CROCC2: variants seen among roughly 807,000 people sequenced by gnomAD.
CROCC2 encodes the protein ciliary rootlet coiled-coil protein 2.
In CROCC2, 163 loss-of-function variants were observed where a neutral mutation model predicts 177.6. That is an observed-to-expected ratio of 0.92 (90% CI 0.81 to 1.05). The LOEUF is 1.05. Among genes scored for constraint, CROCC2 ranks in the 50% least tolerant of loss-of-function variants. The pLI is 0.00. For synonymous variants in CROCC2, 904 were observed against 787.3 expected (o/e 1.15, Z -2.48); for missense variants, 1,929 against 1,797.8 (o/e 1.07, Z -1.32).
chr2:240,918,748 G>C lies in CROCC2; in HGVS notation c.101G>C (p.Ser34Thr), dbSNP rs2106452853. The C allele has an allele frequency of 1.7e-6, 1 of 578,276 alleles. No individual in the cohort carries two copies. The highest frequency in any genetic ancestry group is 2.2e-5 in the South Asian group (1 of 46,502). 35.8% of individuals were successfully genotyped at this position (578,276 alleles called of 1,614,324 possible). A position where few individuals can be genotyped will look rare whatever the true frequency, so the allele number is the denominator to read the frequency against. Reference sequence around the variant, plus strand: ...CAGAGACTGGAGGACACCATCCTGAGTCCCACAGCCAGCAGGGAAGACCGG... The same window carrying C: ...CAGAGACTGGAGGACACCATCCTGACTCCCACAGCCAGCAGGGAAGACCGG... ...VIQRLEDTIL[S>T]PTASREDRAL... Residue 34 changes from serine (S) to threonine (T), a missense_variant, in exon 2 of 32, where the codon AGT becomes ACT. This residue lies in a region of CROCC2 where 1,397 missense variants were observed against 1,239.9 expected (regional missense o/e 1.13). Coordinates refer to ENST00000690015, the MANE Select transcript of CROCC2 (RefSeq NM_001351305.2). This position sits in a 1 kb window ranked among gnomAD's most constrained non-coding sequence, Gnocchi z 6.3.
chr2:240,983,528 C>G, intron 28 of CROCC2: 2 of 1,259,848 alleles, frequency 1.6e-6, no homozygotes, highest in Non-Finnish European at 2.0e-6. Flanking sequence ...GCGCACCGAG[C>G]GGGCGCGTCT....
Position 240,933,397 on chromosome 2 carries a change from G to T in CROCC2, c.1463+55G>T, listed in dbSNP as rs938100404. ...GCACAGGGTGTATGGGATCCTGAGG[G>T]CCCAGGGCTGCTGTCAGGACAAGCA... On this transcript the variant is annotated intron_variant, in intron 10 of 31. Coordinates refer to ENST00000690015, the MANE Select transcript of CROCC2 (RefSeq NM_001351305.2). The T allele has an allele frequency of 1.8e-5, 26 of 1,418,916 alleles. No homozygotes were observed. In the South Asian group the frequency reaches 3.5e-4, roughly 19 times the overall value. The allele number at this position is 1,418,916 out of a possible 1,614,324, so 87.9% of individuals were successfully genotyped here.
In CROCC2 at chr2:240,972,555, C is replaced by CA. The variant is rs1371794079; in HGVS notation, c.4401+4294dup. ...GCCCTTCTGAGTCAGGGTATGGGGA[C>CA]ATGGGGGTCCAACTTTGGGTCTCCA... On this transcript the variant is annotated intron_variant, in intron 27 of 31. Coordinates refer to ENST00000690015, the MANE Select transcript of CROCC2 (RefSeq NM_001351305.2). The surrounding 1 kb of genome is among the most constrained non-coding windows in gnomAD (Gnocchi z 7.1). 1.3e-5 allele frequency among the ~76,000 whole-genome samples: 2 copies of CA among 152,126 alleles called. No individual in the cohort carries two copies. Among genetic ancestry groups the CA allele is most frequent in the Admixed American group, 1.3e-4 (2 of 15,282 alleles).
chr2:240,979,558 C>T (rs2059784440), intron 27 of CROCC2, among the ~76,000 whole-genome samples: 2 of 104,452 alleles, frequency 1.9e-5, no homozygotes, highest in Non-Finnish European at 4.0e-5. Flanking sequence ...AGCCCAGGCT[C>T]ATCCCTGCTC....
intron 5 of CROCC2, among the ~76,000 whole-genome samples, chr2:240,926,274 G>A (rs1447453915): frequency 2.0e-5 from 3 of 152,234 alleles, no homozygotes; most frequent in East Asian, 3.9e-4. Context: ...GCACCTGGCC[G>A]TGGCCCCCCA....
chr2:240,946,644 C>T (rs568729260), intron 15 of CROCC2, among the ~76,000 whole-genome samples: 10 of 152,338 alleles, frequency 6.6e-5, no homozygotes, highest in African/African-American at 1.9e-4. Flanking sequence ...CTCAGCACAG[C>T]TTGACTCTGA....
chr2:240,933,130 G>A lies in CROCC2; in HGVS notation c.1252-1G>A, dbSNP rs1427043778. 1 of 1,550,174 alleles carries A rather than the reference G, an allele frequency of 6.5e-7. No individual in the cohort carries two copies. Among genetic ancestry groups the A allele is most frequent in the South Asian group, 1.2e-5 (1 of 84,066 alleles). Reference sequence around the variant, plus strand: ...GCCCACAACTTACCCCACCCGAGCAGGAGCTGTGCCTGCAGCTGAAGTCCT... The same window carrying A: ...GCCCACAACTTACCCCACCCGAGCAAGAGCTGTGCCTGCAGCTGAAGTCCT... On this transcript the variant is annotated splice_acceptor_variant, in intron 9 of 31. Coordinates refer to ENST00000690015, the MANE Select transcript of CROCC2 (RefSeq NM_001351305.2). LOFTEE classifies it high-confidence loss of function.
rs536133683 is a variant in CROCC2 at position 240,930,972 on chromosome 2, G to A, written c.791G>A (p.Arg264His). 34 of 715,154 alleles carry A rather than the reference G, an allele frequency of 4.8e-5. No homozygotes were observed. The highest frequency in any genetic ancestry group is 4.6e-4 in the East Asian group (17 of 37,278). 44.3% of individuals were successfully genotyped at this position (715,154 alleles called of 1,614,324 possible). Residue 264 changes from arginine to histidine, a missense_variant, in exon 7 of 32, where the codon CGC becomes CAC. Around this residue, in one of 3 missense-constraint regions of CROCC2, gnomAD observed 1,397 missense variants for 1,239.9 expected, o/e 1.13. Coordinates refer to ENST00000690015, the MANE Select transcript of CROCC2 (RefSeq NM_001351305.2). ...DLQADTARTARRLHTACLNLD... is the reference protein window; with the variant it reads ...DLQADTARTAHRLHTACLNLD... ...CAGGCAGACACGGCCAGGACAGCCC[G>A]CCGCCTGCACACCGCCTGCCTGAAC...
At chr2:240,945,426 T>C (rs2059517581) in intron 14 of CROCC2, among the ~76,000 whole-genome samples, 2 of 152,224 alleles carry the variant, frequency 1.3e-5, no homozygotes, top group African/African-American at 4.8e-5. Context: ...AGAGCCTCTC[T>C]GTTTTGGTGG....
In CROCC2 at chr2:240,934,989, C is replaced by A. The variant is rs770652695; in HGVS notation, c.1865C>A (p.Ser622Tyr). The A allele has an allele frequency of 3.0e-5, 44 of 1,460,710 alleles. No individual in the cohort carries two copies. Among genetic ancestry groups the A allele is most frequent in the Non-Finnish European group, 4.0e-5 (44 of 1,104,540 alleles). The allele number at this position is 1,460,710 out of a possible 1,614,324, so 90.5% of individuals were successfully genotyped here. ...TCGGAGGGAGTGGAGCAAAGGGACT[C>A]CCTGGCCGCAATGGCCGCCTTGATG... ...LKSEGVEQRD[S>Y]LAAMAALMEG... Residue 622 changes from serine (S) to tyrosine (Y), a missense_variant, in exon 13 of 32, where the codon TCC becomes TAC. Ser to Tyr is a moderately radical substitution (Grantham distance 144, BLOSUM62 -2). Around this residue, in one of 3 missense-constraint regions of CROCC2, gnomAD observed 1,397 missense variants for 1,239.9 expected, o/e 1.13. Transcript: ENST00000690015.
At chr2:240,956,051 T>C (rs1453566161) in intron 19 of CROCC2, 79 bp downstream of exon 19, 4 of 1,040,154 alleles carry the variant, frequency 3.8e-6, no homozygotes, top group Non-Finnish European at 5.7e-6. Context: ...TCCTGCCTGG[T>C]CCCAGTGGCA....
In CROCC2 at chr2:240,949,303, GC is replaced by G; in HGVS notation, c.2482+208del. On this transcript the variant is annotated intron_variant, in intron 16 of 31. Transcript: ENST00000690015. The surrounding 1 kb of genome is among the most constrained non-coding windows in gnomAD (Gnocchi z 4.5). ...ACACCCTGCCCAGGCTGCACCTGGTGCCAGCCTGAGGCTTAGAACTGGGCTC... is the reference window on the plus strand; with the variant it reads ...ACACCCTGCCCAGGCTGCACCTGGTGCAGCCTGAGGCTTAGAACTGGGCTC... The G allele has an allele frequency of 1.4e-6, 1 of 699,470 alleles. No individual in the cohort carries two copies. Among genetic ancestry groups the G allele is most frequent in the Non-Finnish European group, 1.8e-6 (1 of 568,704 alleles). 43.3% of individuals were successfully genotyped at this position (699,470 alleles called of 1,614,324 possible).
At chr2:240,937,024 C>T (rs1443647707) in intron 14 of CROCC2, among the ~76,000 whole-genome samples, 1 of 152,238 alleles carries the variant, frequency 6.6e-6, no homozygotes, top group African/African-American at 2.4e-5. Context: ...ACTGTGCACT[C>T]ACTGTATAGG....
intron 1 of CROCC2, among the ~76,000 whole-genome samples, chr2:240,915,413 C>A (rs2059313950): frequency 6.6e-6 from 1 of 152,176 alleles, no homozygotes; most frequent in Non-Finnish European, 1.5e-5. Flanking sequence ...GCAGCTGAGG[C>A]CACACGTGGT....
Position 240,925,751 on chromosome 2 carries a change from G to A in CROCC2, c.516G>A (p.Ala172=), listed in dbSNP as rs1221328605. 8 of 716,742 alleles carry A rather than the reference G, an allele frequency of 1.1e-5. No individual in the cohort carries two copies. In the East Asian group the frequency reaches 1.3e-4, roughly 12 times the overall value. 44.4% of individuals were successfully genotyped at this position (716,742 alleles called of 1,614,324 possible). ...ERSTGLCQVN[A]LLREQLEHMK... ...GCACCGGCCTCTGTCAGGTGAACGC[G>A]CTCCTGCGGGAGCAGCTGGAACATA... is the stretch of plus-strand genomic sequence containing the variant. Residue 172 remains alanine (A), a synonymous_variant, in exon 5 of 32, where the codon GCG becomes GCA. Coordinates refer to ENST00000690015, the MANE Select transcript of CROCC2 (RefSeq NM_001351305.2).
chr2:240,920,187 C>G (rs1418477835), intron 3 of CROCC2, 53 bp downstream of exon 3: 1 of 605,618 alleles, frequency 1.7e-6, no homozygotes, highest in Non-Finnish European at 3.0e-6. Context: ...CCTGGCCCTT[C>G]GTGAGGGGTC....
At chr2:240,938,525 C>T (rs543438791) in intron 14 of CROCC2, among the ~76,000 whole-genome samples, 8 of 152,274 alleles carry the variant, frequency 5.3e-5, no homozygotes, top group Admixed American at 3.9e-4. Flanking sequence ...TTTTCAAGAT[C>T]GTTTTGGCTG....
chr2:240,914,126 C>A (rs2059303893), intron 1 of CROCC2, among the ~76,000 whole-genome samples: 1 of 152,210 alleles, frequency 6.6e-6, no homozygotes, highest in African/African-American at 2.4e-5. Context: ...GGGAAGGGGG[C>A]ACACAGGGGA....
At chr2:240,971,723 C>CT (rs373731461) in intron 27 of CROCC2, among the ~76,000 whole-genome samples, 34 of 152,270 alleles carry the variant, frequency 2.2e-4, no homozygotes, top group African/African-American at 7.9e-4. Flanking sequence ...AACATCTCTT[C>CT]TCCTTCTCCC....
Sources: allele counts gnomAD v4.1 joint callset (sites outside exome capture counted in the v4.1 genomes callset), GRCh38; gene constraint gnomAD v4.1.1; regional missense constraint gnomAD v4.1.1; non-coding constraint Gnocchi (gnomAD v3.1); transcripts MANE v1.5; gene names NCBI Gene and HGNC (gene_info 2026-07-23, HGNC 2026-07-21).